ANO3: variants seen among roughly 807,000 people sequenced by gnomAD.
ANO3 encodes anoctamin 3.
In ANO3, 99 loss-of-function variants were observed where a neutral mutation model predicts 144.8. That is an observed-to-expected ratio of 0.68 (90% CI 0.58 to 0.81). The LOEUF (loss-of-function observed/expected upper bound fraction) is 0.81. Among genes scored for constraint, ANO3 ranks in the 30% least tolerant of loss-of-function variants. The probability of loss-of-function intolerance (pLI) is 0.00; values close to 1 mark genes in which losing one functional copy is unlikely to be tolerated. For missense variants in ANO3, 905 were observed against 1,202.2 expected (o/e 0.75, Z 3.66); for synonymous variants, 414 against 392.6 (o/e 1.05, Z -0.64).
At chr11:26,357,682 G>GT (rs1855818620) in intron 1 of ANO3, among the ~76,000 whole-genome samples, 1 of 151,978 alleles carries the variant, frequency 6.6e-6, no homozygotes, top group South Asian at 2.1e-4. Flanking sequence ...TAGAGAAAAT[G>GT]TTTCTAATTT....
intron 16 of ANO3, 50 bp from the exon 17 acceptor site, chr11:26,599,499 CT>C: frequency 6.4e-7 from 1 of 1,569,140 alleles, no homozygotes; most frequent in Non-Finnish European, 8.7e-7. Flanking sequence ...TTGCTTTTGA[CT>C]TGTTAATGAT....
intron 1 of ANO3, among the ~76,000 whole-genome samples, chr11:26,215,712 A>T: frequency 6.6e-6 from 1 of 151,878 alleles, no homozygotes; most frequent in Middle Eastern, 3.4e-3. Context: ...CTGTATATAT[A>T]CTTTTAACTA....
intron 3 of ANO3, among the ~76,000 whole-genome samples, chr11:26,458,237 T>C (rs922608056): frequency 6.6e-6 from 1 of 152,132 alleles, no homozygotes; most frequent in African/African-American, 2.4e-5. Flanking sequence ...TAGGTTTCAT[T>C]TGTGTTTCAG....
At chr11:26,348,784 C>T (rs564596882) in intron 1 of ANO3, among the ~76,000 whole-genome samples, 1 of 152,208 alleles carries the variant, frequency 6.6e-6, no homozygotes, top group Admixed American at 6.5e-5. Context: ...GTTATTTGCT[C>T]TCCCAAGACG....
chr11:26,202,712 C>G (rs1475396214), intron 1 of ANO3, among the ~76,000 whole-genome samples: 1 of 151,370 alleles, frequency 6.6e-6, no homozygotes, highest in Non-Finnish European at 1.5e-5. Flanking sequence ...CATGAGAAAG[C>G]AACACACAGT....
At chr11:26,332,368 C>T (rs747053626) in intron 1 of ANO3, 47 bp downstream of exon 1, 8 of 1,590,616 alleles carry the variant, frequency 5.0e-6, no homozygotes, top group African/African-American at 1.3e-5. Context: ...TCACTTCCCC[C>T]CTGCATGCCC....
chr11:26,496,173 G>T (rs1299041951), intron 4 of ANO3, among the ~76,000 whole-genome samples: 1 of 152,094 alleles, frequency 6.6e-6, no homozygotes, highest in Non-Finnish European at 1.5e-5. Flanking sequence ...ACCTGCCCTT[G>T]CATAATTTGA....
At chr11:26,593,193 G>A (rs1006426963) in intron 14 of ANO3, among the ~76,000 whole-genome samples, 2 of 152,122 alleles carry the variant, frequency 1.3e-5, no homozygotes, top group South Asian at 2.1e-4. Flanking sequence ...ATATTGCTGC[G>A]TGGGCATAGG....
At chr11:26,477,131 C>T (rs962684047) in intron 4 of ANO3, among the ~76,000 whole-genome samples, 3 of 152,036 alleles carry the variant, frequency 2.0e-5, no homozygotes, top group Non-Finnish European at 2.9e-5. Flanking sequence ...TGCACAGATG[C>T]GTGCATTCCA....
chr11:26,233,225 A>AAAG (rs1554926562), intron 1 of ANO3, among the ~76,000 whole-genome samples: 6 of 151,554 alleles, frequency 4.0e-5, no homozygotes, highest in East Asian at 2.0e-4. Context: ...TCAAAAAAAA[A>AAAG]AAAAGAAAAG....
chr11:26,617,235 C>T (rs890883210), intron 17 of ANO3, among the ~76,000 whole-genome samples: 2 of 152,202 alleles, frequency 1.3e-5, no homozygotes, highest in African/African-American at 4.8e-5. Context: ...TCAGTTACCA[C>T]ACCTTCCATA....
chr11:26,588,446 A>G (rs1187546018), intron 14 of ANO3, among the ~76,000 whole-genome samples: 2 of 152,226 alleles, frequency 1.3e-5, no homozygotes, highest in East Asian at 3.8e-4. Flanking sequence ...GATTTTTAAC[A>G]AAGGTTACCT....
chr11:26,457,214 T>G (rs1859198800), intron 3 of ANO3, among the ~76,000 whole-genome samples: 1 of 141,310 alleles, frequency 7.1e-6, no homozygotes, highest in Admixed American at 7.5e-5. Context: ...ACCCTAAAAC[T>G]TAAGGTATAA....
chr11:26,319,702 G>C (rs955327294), intron 1 of ANO3, among the ~76,000 whole-genome samples: 1 of 152,090 alleles, frequency 6.6e-6, no homozygotes, highest in Non-Finnish European at 1.5e-5. Context: ...TTGCTAATGA[G>C]AAAAGCTTTT....
intron 1 of ANO3, among the ~76,000 whole-genome samples, chr11:26,438,428 T>C (rs910208232): frequency 6.6e-5 from 10 of 151,726 alleles, no homozygotes; most frequent in African/African-American, 2.2e-4. Flanking sequence ...AAAGTGATTA[T>C]AGATTCAATG....
chr11:26,593,673 C>T (rs1851520265), intron 14 of ANO3, among the ~76,000 whole-genome samples: 1 of 152,128 alleles, frequency 6.6e-6, no homozygotes, highest in Admixed American at 6.5e-5. Flanking sequence ...CCAGTGATTC[C>T]CTTCACATAA....
intron 1 of ANO3, among the ~76,000 whole-genome samples, chr11:26,338,745 C>T (rs894942899): frequency 3.3e-5 from 5 of 151,928 alleles, no homozygotes; most frequent in Admixed American, 1.3e-4. Flanking sequence ...AGAGCTGTAA[C>T]ACTTGCTGTG....
chr11:26,484,131 A>G (rs1469036627), intron 4 of ANO3, among the ~76,000 whole-genome samples: 3 of 152,210 alleles, frequency 2.0e-5, no homozygotes, highest in Non-Finnish European at 4.4e-5. Context: ...CCTTATGAGC[A>G]AAGAGATCAC....
intron 1 of ANO3, among the ~76,000 whole-genome samples, chr11:26,190,964 T>G (rs1368952301): frequency 6.6e-6 from 1 of 152,216 alleles, no homozygotes; most frequent in African/African-American, 2.4e-5. Flanking sequence ...TTTATTTGTA[T>G]GCATATTGGT....
Sources: allele counts gnomAD v4.1 joint callset (sites outside exome capture counted in the v4.1 genomes callset), GRCh38; gene constraint gnomAD v4.1.1; transcripts MANE v1.5; gene names NCBI Gene and HGNC (gene_info 2026-07-23, HGNC 2026-07-21).